The following MORC1 variants were observed in gnomAD, a reference collection of about 807,000 sequenced individuals.
The protein encoded by MORC1 is MORC family CW-type zinc finger 1.
Under a neutral mutation model 134.9 loss-of-function variants are expected in MORC1, and 59 were observed. The ratio of observed to expected loss-of-function variants is 0.44; its 90% CI spans 0.35 to 0.54. The LOEUF (loss-of-function observed/expected upper bound fraction) is 0.54. Ranked by LOEUF, MORC1 falls within the 20% of genes least tolerant of loss-of-function variation. The pLI, the probability that MORC1 is intolerant of heterozygous loss-of-function variation, is 0.00. For missense variants in MORC1, 947 were observed against 1,134.5 expected, an observed-to-expected ratio of 0.83 and a Z score of 2.37; for synonymous variants, 395 against 391.7, an observed-to-expected ratio of 1.01 and a Z score of -0.10.
intron 13 of MORC1, among the ~76,000 whole-genome samples, chr3:109,055,453 T>C (rs932639191): frequency 3.3e-5 from 5 of 152,136 alleles, no homozygotes; most frequent in African/African-American, 1.2e-4. Flanking sequence ...CCACTGCCTT[T>C]TGCACGGCAC....
chr3:109,056,429 G>A (rs959223810), intron 13 of MORC1, among the ~76,000 whole-genome samples: 12 of 152,152 alleles, frequency 7.9e-5, no homozygotes, highest in South Asian at 4.1e-4. Context: ...GGGTTTCACC[G>A]TGCTAGCCAG....
intron 18 of MORC1, among the ~76,000 whole-genome samples, chr3:109,006,483 T>A (rs1948543416): frequency 6.6e-6 from 1 of 152,238 alleles, no homozygotes; most frequent in African/African-American, 2.4e-5. Flanking sequence ...TCTGAGTTTA[T>A]AAATCCCATC....
chr3:109,025,526 C>T (rs929543057), intron 17 of MORC1, among the ~76,000 whole-genome samples: 2 of 151,410 alleles, frequency 1.3e-5, no homozygotes, highest in South Asian at 2.1e-4. Flanking sequence ...GGATTACAGG[C>T]GTGAGCCACC....
chr3:109,108,136 C>A (rs1951078534), intron 3 of MORC1, among the ~76,000 whole-genome samples: 2 of 152,126 alleles, frequency 1.3e-5, no homozygotes, highest in Admixed American at 6.5e-5. Context: ...TTGCAATGAG[C>A]CGAGATGGTG....
chr3:109,006,976 T>G, intron 18 of MORC1, 53 bp downstream of exon 18: 2 of 1,483,582 alleles, frequency 1.3e-6, no homozygotes, highest in Non-Finnish European at 1.9e-6. Flanking sequence ...AGGCTTCTCC[T>G]TCACATGGTT....
chr3:109,040,251 A>G (rs991536768), intron 14 of MORC1, among the ~76,000 whole-genome samples: 3 of 151,452 alleles, frequency 2.0e-5, no homozygotes, highest in Non-Finnish European at 2.9e-5. Flanking sequence ...GCACATTCCA[A>G]GCAAAAGAAT....
chr3:109,000,535 T>C lies in MORC1; in HGVS notation c.2187+22A>G, dbSNP rs199879508. On this transcript the variant is annotated intron_variant, in intron 21 of 27. Transcript: ENST00000232603. ...TGAATATGAAAATCTCAAGGTGTCA[T>C]TTAGTGTATAGTTTATCTCACCAGG... 57 of 1,512,722 alleles carry C rather than the reference T, an allele frequency of 3.8e-5. No individual in the cohort carries two copies. The East Asian group carries it at 1.3e-3, about 34-fold the overall frequency. The allele number at this position is 1,512,722 out of a possible 1,614,324, so 93.7% of individuals were successfully genotyped here. A position where few individuals can be genotyped will look rare whatever the true frequency, so the allele number is the denominator to read the frequency against.
chr3:108,993,012 G>C (rs562093551), intron 21 of MORC1, among the ~76,000 whole-genome samples: 71 of 152,152 alleles, frequency 4.7e-4, no homozygotes, highest in Admixed American at 1.4e-3. Context: ...AGAATAGATG[G>C]CATTATTACT....
Position 109,079,067 on chromosome 3 carries a change from G to A in MORC1, c.690-9310C>T, listed in dbSNP as rs145222681. Among the ~76,000 whole-genome samples, 788 of 152,080 alleles carry A rather than the reference G, an allele frequency of 5.2e-3. 18 individuals are homozygous for A. The highest frequency in any genetic ancestry group is 0.018 in the African/African-American group (748 of 41,544). Reference sequence around the variant, plus strand: ...TGGGCAGACAAAAGACTCACTTTACGTAAACTCTTCCAAATAATAGAAATG... The same window carrying A: ...TGGGCAGACAAAAGACTCACTTTACATAAACTCTTCCAAATAATAGAAATG... On this transcript the variant is annotated intron_variant, in intron 8 of 27. Transcript: ENST00000232603.
At chr3:109,063,497 T>G (rs1950128965) in intron 9 of MORC1, among the ~76,000 whole-genome samples, 1 of 152,140 alleles carries the variant, frequency 6.6e-6, no homozygotes, top group Non-Finnish European at 1.5e-5. Context: ...CTTAGACATC[T>G]AAAATAGGAT....
intron 16 of MORC1, among the ~76,000 whole-genome samples, chr3:109,031,522 C>T (rs1217687900): frequency 1.3e-5 from 2 of 152,158 alleles, no homozygotes; most frequent in African/African-American, 4.8e-5. Flanking sequence ...AATATTGAAA[C>T]TGAGCCAACA....
intron 12 of MORC1, among the ~76,000 whole-genome samples, chr3:109,058,988 C>T (rs1174361766): frequency 6.6e-6 from 1 of 152,012 alleles, no homozygotes; most frequent in African/African-American, 2.4e-5. Context: ...TTAGAGAGGG[C>T]TTTGTTTTTA....
intron 6 of MORC1, 47 bp from the exon 7 acceptor site, chr3:109,095,115 C>T: frequency 6.7e-7 from 1 of 1,491,668 alleles, no homozygotes; most frequent in Non-Finnish European, 9.0e-7. Context: ...ACACAAAAAA[C>T]ATTATTCTTT....
intron 1 of MORC1, among the ~76,000 whole-genome samples, chr3:109,116,068 T>C (rs897846717): frequency 6.6e-5 from 10 of 152,262 alleles, no homozygotes; most frequent in Admixed American, 3.9e-4. Flanking sequence ...GCTCCGCTTA[T>C]GGTAAAATGG....
chr3:109,068,333 T>C (rs1311713499), intron 9 of MORC1, among the ~76,000 whole-genome samples: 1 of 152,196 alleles, frequency 6.6e-6, no homozygotes, highest in Non-Finnish European at 1.5e-5. Flanking sequence ...CTGCACAATA[T>C]GTTGTCTTTT....
chr3:109,110,105 G>A (rs1397409539), intron 3 of MORC1: 1 of 152,216 alleles, frequency 6.6e-6, no homozygotes, highest in Non-Finnish European at 1.5e-5. Context: ...TAACTGAGGT[G>A]CTTTTTAAAC....
chr3:109,032,537 C>T (rs1949264073), intron 16 of MORC1, among the ~76,000 whole-genome samples, 183 bp downstream of exon 16: 1 of 152,104 alleles, frequency 6.6e-6, no homozygotes, highest in African/African-American at 2.4e-5. Context: ...ATTTCTATTA[C>T]TTGATGGAAA....
intron 3 of MORC1, among the ~76,000 whole-genome samples, chr3:109,107,559 AC>A (rs528717062): frequency 9.3e-4 from 142 of 152,328 alleles, no homozygotes; most frequent in Non-Finnish European, 1.6e-3. Flanking sequence ...ATAAAACACC[AC>A]GGGAAACATA....
intron 21 of MORC1, among the ~76,000 whole-genome samples, chr3:108,995,512 G>A (rs929871048): frequency 3.3e-5 from 5 of 152,190 alleles, no homozygotes; most frequent in African/African-American, 1.2e-4. Context: ...AACAGCTCAT[G>A]GAAGGGGTTG....
Sources: allele counts gnomAD v4.1 joint callset (sites outside exome capture counted in the v4.1 genomes callset), GRCh38; gene constraint gnomAD v4.1.1; transcripts MANE v1.5; gene names NCBI Gene and HGNC (gene_info 2026-07-23, HGNC 2026-07-21).